TTC33: variants seen among roughly 807,000 people sequenced by gnomAD.
TTC33 encodes the protein tetratricopeptide repeat domain 33, also known as tetratricopeptide repeat protein 33.
Under a neutral mutation model 29.4 loss-of-function variants are expected in TTC33, and 24 were observed. The observed-to-expected ratio is 0.82, with a 90% CI of 0.59 to 1.15. The LOEUF (loss-of-function observed/expected upper bound fraction) is 1.15. Among genes scored for constraint, TTC33 ranks in the 50% most tolerant of loss-of-function variants. The pLI is 0.00. For synonymous variants in TTC33, 107 were observed against 100.3 expected, an observed-to-expected ratio of 1.07 and a Z score of -0.40; for missense variants, 286 against 310.4, an observed-to-expected ratio of 0.92 and a Z score of 0.59.
At chr5:40,718,974 T>C (rs373044918) in intron 4 of TTC33, among the ~76,000 whole-genome samples, 2 of 152,144 alleles carry the variant, frequency 1.3e-5, no homozygotes, top group East Asian at 1.9e-4. Context: ...AATATTCTAA[T>C]AAAAATCCAC....
At chr5:40,746,281 A>G (rs900084335) in intron 2 of TTC33, among the ~76,000 whole-genome samples, 1 of 152,246 alleles carries the variant, frequency 6.6e-6, no homozygotes, top group Non-Finnish European at 1.5e-5. Context: ...ACTTAGCTAA[A>G]GAAGGGCTAA....
At chr5:40,753,737 T>C (rs991619695) in intron 1 of TTC33, among the ~76,000 whole-genome samples, 2 of 152,214 alleles carry the variant, frequency 1.3e-5, no homozygotes, top group African/African-American at 4.8e-5. Context: ...TATTTATGAT[T>C]ATCCCTAATG....
At chr5:40,725,930 C>T (rs1159438727) in intron 4 of TTC33, among the ~76,000 whole-genome samples, 2 of 151,246 alleles carry the variant, frequency 1.3e-5, no homozygotes, top group African/African-American at 4.9e-5. Flanking sequence ...GGACTACAGG[C>T]GCCCGCCACC....
intron 2 of TTC33, among the ~76,000 whole-genome samples, chr5:40,737,704 G>C (rs765407599): frequency 7.2e-5 from 11 of 152,010 alleles, no homozygotes; most frequent in Non-Finnish European, 1.3e-4. Context: ...GAACATTTTT[G>C]TCAATCCAAA....
At position 40,713,329 on chromosome 5, in the gene TTC33, CATT is replaced by C. The variant is rs1253520988; in HGVS notation, c.*2813_*2815del. Among the ~76,000 whole-genome samples the C allele has an allele frequency of 6.6e-6, 1 of 152,068 alleles. No individual in the cohort carries two copies. The highest frequency in any genetic ancestry group is 2.4e-5 in the African/African-American group (1 of 41,416). Reference sequence around the variant, plus strand: ...AAGGCAGTGAAACAAGCTTTTGAATCATTATGTAATTTTCAAACAACTAAAAGG... The same window carrying C: ...AAGGCAGTGAAACAAGCTTTTGAATCATGTAATTTTCAAACAACTAAAAGG... On this transcript the variant is annotated 3_prime_UTR_variant, in exon 5 of 5. Transcript: ENST00000337702.
intron 1 of TTC33, among the ~76,000 whole-genome samples, chr5:40,754,085 C>A (rs1408035704): frequency 3.9e-5 from 6 of 152,236 alleles, no homozygotes; most frequent in Admixed American, 1.3e-4. Flanking sequence ...GTTATAAATG[C>A]TGGGGACAAG....
chr5:40,753,764 C>A (rs889493513), intron 1 of TTC33, among the ~76,000 whole-genome samples: 2 of 152,128 alleles, frequency 1.3e-5, no homozygotes, highest in African/African-American at 4.8e-5. Context: ...AGAATGATGA[C>A]CACGTTTTCC....
At chr5:40,738,504 C>A (rs60033550) in intron 2 of TTC33, among the ~76,000 whole-genome samples, 13,860 of 97,716 alleles carry the variant, frequency 0.14, 930 homozygotes, top group Non-Finnish European at 0.15. Context: ...CAATACAATA[C>A]AATAAAATAC....
intron 4 of TTC33, among the ~76,000 whole-genome samples, chr5:40,724,463 T>A (rs1554026855): frequency 6.6e-6 from 1 of 151,966 alleles, no homozygotes; most frequent in Non-Finnish European, 1.5e-5. Flanking sequence ...TGAAACCCTG[T>A]CTCTACTAAA....
At chr5:40,747,878 T>C (rs775208575) in intron 1 of TTC33, among the ~76,000 whole-genome samples, 5 of 152,184 alleles carry the variant, frequency 3.3e-5, no homozygotes, top group Non-Finnish European at 7.3e-5. Context: ...CAAGCTGTAG[T>C]GCAACGGCCC....
chr5:40,730,149 C>A (rs1742388679), intron 3 of TTC33, 113 bp downstream of exon 3: 1 of 763,090 alleles, frequency 1.3e-6, no homozygotes, highest in Non-Finnish European at 2.1e-6. Flanking sequence ...CCCAAAGAAA[C>A]CGTATTTGTA....
intron 1 of TTC33, among the ~76,000 whole-genome samples, chr5:40,751,042 T>C (rs986021110): frequency 1.3e-5 from 2 of 152,266 alleles, no homozygotes; most frequent in African/African-American, 4.8e-5. Context: ...TGTTGATATT[T>C]TGACCACCTC....
At position 40,714,062 on chromosome 5, in the gene TTC33, A is replaced by G. The variant is rs1741950037; in HGVS notation, c.*2083T>C. ...GGTAAGAAAGAGACTAACTTGGCCT[A>G]CCATGCCAGTACAGAGGAAACACTA... On this transcript the variant is annotated 3_prime_UTR_variant, in exon 5 of 5. Coordinates refer to ENST00000337702, the MANE Select transcript of TTC33 (RefSeq NM_012382.3). 6.6e-6 allele frequency among the ~76,000 whole-genome samples: 1 copy of G among 152,158 alleles called. No homozygotes were observed. Among genetic ancestry groups the G allele is most frequent in the Non-Finnish European group, 1.5e-5 (1 of 68,004 alleles).
At position 40,712,913 on chromosome 5, in the gene TTC33, G is replaced by A. The variant is rs926841745; in HGVS notation, c.*3232C>T. Reference sequence around the variant, plus strand: ...GCTTTAGGGCCACACTTCTTCTTCCGAAGTAACCATATTTAATTGCAAGTG... The same window carrying A: ...GCTTTAGGGCCACACTTCTTCTTCCAAAGTAACCATATTTAATTGCAAGTG... On this transcript the variant is annotated 3_prime_UTR_variant, in exon 5 of 5. Transcript: ENST00000337702. Among the ~76,000 whole-genome samples the A allele has an allele frequency of 1.3e-5, 2 of 152,092 alleles. No homozygotes were observed. Among genetic ancestry groups the A allele is most frequent in the South Asian group, 2.1e-4 (1 of 4,822 alleles).
At chr5:40,749,880 G>A (rs1175885033) in intron 1 of TTC33, among the ~76,000 whole-genome samples, 1 of 151,766 alleles carries the variant, frequency 6.6e-6, no homozygotes, top group Non-Finnish European at 1.5e-5. Context: ...ACGAGGTCAG[G>A]AGTTTGAGAC....
intron 2 of TTC33, among the ~76,000 whole-genome samples, chr5:40,732,732 C>G (rs1025546336): frequency 1.3e-5 from 2 of 152,094 alleles, no homozygotes; most frequent in Non-Finnish European, 2.9e-5. Context: ...CCTCAGCCCC[C>G]CGAGTGGCTG....
intron 1 of TTC33, among the ~76,000 whole-genome samples, chr5:40,748,115 T>C (rs1337966988): frequency 6.7e-6 from 1 of 149,430 alleles, no homozygotes; most frequent in Non-Finnish European, 1.5e-5. Context: ...GCGTGAGCCA[T>C]TGCACCCAGC....
intron 4 of TTC33, among the ~76,000 whole-genome samples, chr5:40,719,128 TCA>T (rs907919574): frequency 4.8e-4 from 73 of 152,268 alleles, no homozygotes; most frequent in African/African-American, 1.7e-3. Context: ...AATTCAATAT[TCA>T]CAGTCACACA....
At chr5:40,738,483 A>G in intron 2 of TTC33, among the ~76,000 whole-genome samples, 1 of 138,610 alleles carries the variant, frequency 7.2e-6, no homozygotes, top group South Asian at 2.3e-4. Flanking sequence ...ACAATACAAT[A>G]CAATACAATA....
Sources: gnomAD v4.1 joint callset for allele counts (sites outside exome capture counted in the v4.1 genomes callset) on GRCh38, gnomAD v4.1.1 for gene constraint, MANE v1.5 for transcripts, NCBI Gene and HGNC (gene_info 2026-07-23, HGNC 2026-07-21) for gene names.